The following CCDC171 variants were observed in gnomAD, a reference collection of about 807,000 sequenced individuals.
The protein encoded by CCDC171 is coiled-coil domain-containing protein 171.
A neutral mutation model predicts 168.2 loss-of-function variants in CCDC171; 177 were observed. That is an observed-to-expected ratio of 1.05 (90% confidence interval 0.93 to 1.19). CCDC171 has a LOEUF of 1.19. Among genes scored for constraint, CCDC171 ranks in the 50% most tolerant of loss-of-function variants. The probability of loss-of-function intolerance (pLI) is 0.00; values close to 1 mark genes in which losing one functional copy is unlikely to be tolerated. For synonymous variants in CCDC171, 687 were observed against 540.8 expected, an observed-to-expected ratio of 1.27 and a Z score of -3.75; for missense variants, 1,991 against 1,539.0, an observed-to-expected ratio of 1.29 and a Z score of -4.91.
At chr9:15,928,289 A>G (rs1341976725) in intron 25 of CCDC171, among the ~76,000 whole-genome samples, 1 of 151,754 alleles carries the variant, frequency 6.6e-6, no homozygotes, top group African/African-American at 2.4e-5. Context: ...TGTGGTGAGG[A>G]AAGGCCTGCC....
chr9:16,090,249 G>A, the CCDC171 span, among the ~76,000 whole-genome samples: 1 of 152,260 alleles, frequency 6.6e-6, no homozygotes, highest in Non-Finnish European at 1.5e-5. Flanking sequence ...CATATAAAAG[G>A]ATGAGTTCAT....
chr9:16,040,246 G>A (rs147950275), upstream of CCDC171, among the ~76,000 whole-genome samples: 1 of 152,162 alleles, frequency 6.6e-6, no homozygotes, highest in Non-Finnish European at 1.5e-5. Flanking sequence ...TCCTGCCTCT[G>A]TTCCTGGAGC....
chr9:16,023,498 T>C (rs891424972), intron 6 of CCDC171, among the ~76,000 whole-genome samples: 3 of 152,160 alleles, frequency 2.0e-5, no homozygotes, highest in African/African-American at 7.2e-5. Context: ...ACCACCCTGA[T>C]TTATTCCTAT....
At chr9:16,103,834 G>C in the CCDC171 span, among the ~76,000 whole-genome samples, 2 of 152,172 alleles carry the variant, frequency 1.3e-5, no homozygotes, top group South Asian at 2.1e-4. Flanking sequence ...CATGGACTCC[G>C]GGGGGGCTGG....
intron 12 of CCDC171, 62 bp from the exon 13 acceptor site, chr9:15,723,618 GA>G: frequency 8.1e-7 from 1 of 1,230,028 alleles, no homozygotes; most frequent in East Asian, 2.4e-5. Flanking sequence ...ACCCATCCTT[GA>G]AAAATGTAAA....
chr9:15,966,193 T>G (rs1453563996), intron 25 of CCDC171, among the ~76,000 whole-genome samples: 3 of 152,178 alleles, frequency 2.0e-5, no homozygotes, highest in Non-Finnish European at 4.4e-5. Flanking sequence ...ATGTTACAGT[T>G]AGCTGTAGTT....
intron 16 of CCDC171, among the ~76,000 whole-genome samples, chr9:15,732,103 A>T: frequency 6.6e-6 from 1 of 151,936 alleles, no homozygotes; most frequent in East Asian, 1.9e-4. Context: ...ATCCTTTGTC[A>T]TGTATATGCA....
chr9:15,779,669 C>G (rs2135422772), intron 20 of CCDC171, among the ~76,000 whole-genome samples: 1 of 152,174 alleles, frequency 6.6e-6, no homozygotes, highest in East Asian at 1.9e-4. Context: ...CTCTTCTCTT[C>G]TTATATTGAA....
chr9:15,577,313 A>G (rs1487251525), intron 3 of CCDC171, among the ~76,000 whole-genome samples: 1 of 152,208 alleles, frequency 6.6e-6, no homozygotes, highest in Non-Finnish European at 1.5e-5. Context: ...ATTCTCTAGT[A>G]TAGTGAGATT....
In CCDC171 at chr9:15,728,006, G is replaced by A; in HGVS notation, c.1830G>A (p.Leu610=). The A allele has an allele frequency of 6.2e-7, 1 of 1,612,742 alleles. No homozygotes were observed. Among genetic ancestry groups the A allele is most frequent in the Non-Finnish European group, 8.5e-7 (1 of 1,179,276 alleles). ...CAVLQENVDA[L]IADLNRANEK... ...TCTTACAGGAGAATGTTGATGCCCT[G>A]ATTGCAGACCTCAACAGGGCTAATG... The change falls in exon 15 of 26, where the codon CTG becomes CTA. Residue 610 remains leucine (L), a synonymous_variant. Transcript: ENST00000380701.
At chr9:15,783,726 T>C (rs2057788186) in intron 20 of CCDC171, among the ~76,000 whole-genome samples, 1 of 152,218 alleles carries the variant, frequency 6.6e-6, no homozygotes, top group Admixed American at 6.5e-5. Flanking sequence ...TCTAGAACTG[T>C]CATTAGTTAT....
chr9:15,641,884 C>G (rs1425569681), intron 7 of CCDC171, among the ~76,000 whole-genome samples: 1 of 152,160 alleles, frequency 6.6e-6, no homozygotes, highest in African/African-American at 2.4e-5. Context: ...TGTTGTTTGG[C>G]TAGGCGTAGT....
chr9:15,890,635 A>AT (rs1164915835), intron 24 of CCDC171, among the ~76,000 whole-genome samples: 1 of 144,722 alleles, frequency 6.9e-6, no homozygotes, highest in African/African-American at 2.7e-5. Context: ...ACAATGTACA[A>AT]AATAAATTCA....
chr9:15,617,221 G>A (rs2044147825), intron 6 of CCDC171, among the ~76,000 whole-genome samples: 1 of 152,120 alleles, frequency 6.6e-6, no homozygotes, highest in Non-Finnish European at 1.5e-5. Context: ...TCAGTTTTGT[G>A]CCCTTGCTGG....
At chr9:15,632,475 G>T (rs1276212817) in intron 7 of CCDC171, among the ~76,000 whole-genome samples, 1 of 152,030 alleles carries the variant, frequency 6.6e-6, no homozygotes, top group Non-Finnish European at 1.5e-5. Flanking sequence ...GGATGTGAAG[G>T]ACCTCTTCAA....
the CCDC171 span, among the ~76,000 whole-genome samples, chr9:16,086,073 G>A: frequency 3.6e-3 from 547 of 152,174 alleles, 4 homozygotes; most frequent in Non-Finnish European, 4.9e-3. Context: ...CTGTGAGTCC[G>A]TCTGGTCCTG....
intron 8 of CCDC171, among the ~76,000 whole-genome samples, chr9:15,657,539 A>G (rs2048029480): frequency 1.3e-5 from 2 of 152,204 alleles, no homozygotes; most frequent in South Asian, 4.1e-4. Flanking sequence ...AGAAATTTGC[A>G]GATTGGAGTG....
At chr9:15,618,928 T>G (rs1041799255) in intron 6 of CCDC171, among the ~76,000 whole-genome samples, 2 of 152,046 alleles carry the variant, frequency 1.3e-5, no homozygotes, top group Non-Finnish European at 2.9e-5. Context: ...CGCTGGGAGC[T>G]GCAGACTGCC....
Position 15,591,512 on chromosome 9 carries a change from G to A in CCDC171, c.499G>A (p.Asp167Asn). Residue 167 changes from aspartate (D) to asparagine (N), a missense_variant, in exon 5 of 26, where the codon GAT (aspartate) becomes AAT (asparagine). Transcript: ENST00000380701. ...GATCCAAAATTGCAATCGAGAATATGATTTACTTATGAAAGAAAAAAGCAG... is the reference window on the plus strand; with the variant it reads ...GATCCAAAATTGCAATCGAGAATATAATTTACTTATGAAAGAAAAAAGCAG... ...NMIQNCNREYDLLMKEKSRLE... is the reference protein window; with the variant it reads ...NMIQNCNREYNLLMKEKSRLE... 6.3e-7 allele frequency: 1 copy of A among 1,595,788 alleles called. No individual in the cohort carries two copies. Among genetic ancestry groups the A allele is most frequent in the Non-Finnish European group, 8.5e-7 (1 of 1,172,900 alleles).
Sources: gnomAD v4.1 joint callset for allele counts (sites outside exome capture counted in the v4.1 genomes callset) on GRCh38, gnomAD v4.1.1 for gene constraint, MANE v1.5 for transcripts, NCBI Gene and HGNC (gene_info 2026-07-23, HGNC 2026-07-21) for gene names.